PRCP: variants seen among roughly 807,000 people sequenced by gnomAD.
PRCP encodes prolylcarboxypeptidase, also known as lysosomal Pro-X carboxypeptidase.
In PRCP, 46 loss-of-function variants were observed where a neutral mutation model predicts 54.2. The observed-to-expected ratio is 0.85, with a 90% CI of 0.67 to 1.09. The LOEUF is 1.09. Ranked by LOEUF, PRCP falls within the 50% of genes least tolerant of loss-of-function variation. The pLI, the probability that PRCP is intolerant of heterozygous loss-of-function variation, is 0.00. For missense variants in PRCP, 613 were observed against 596.8 expected (o/e 1.03, Z -0.28); for synonymous variants, 240 against 212.2 (o/e 1.13, Z -1.14).
Position 82,839,334 on chromosome 11 carries a change from G to T in PRCP, c.1013C>A (p.Ser338Ter), listed in dbSNP as rs1044013383. ...FQALNVYYNY[S>*]GQVKCLNISE... ...AATATTCAGGCATTTCACCTGGCCC[G>T]AATAATTGTAATATACATTCAGAGC... is the stretch of plus-strand genomic sequence containing the variant. Residue 338 changes from serine to a stop codon, truncating the protein, a stop_gained, in exon 7 of 9, where the codon TCG becomes TAG. Coordinates refer to ENST00000313010, the MANE Select transcript of PRCP (RefSeq NM_005040.4). LOFTEE classifies it high-confidence loss of function. 11 of 1,613,930 alleles carry T rather than the reference G, an allele frequency of 6.8e-6. No homozygotes were observed. Among genetic ancestry groups the T allele is most frequent in the Non-Finnish European group, 8.5e-6 (10 of 1,179,916 alleles).
At chr11:82,840,567 T>C (rs1355758709) in intron 6 of PRCP, 1 of 152,180 alleles carries the variant, frequency 6.6e-6, no homozygotes, top group African/African-American at 2.4e-5. Flanking sequence ...ATTTAGATGT[T>C]AGGTTCATGA....
chr11:82,897,518 C>G (rs1860145529), intron 1 of PRCP, among the ~76,000 whole-genome samples: 1 of 152,036 alleles, frequency 6.6e-6, no homozygotes, highest in Non-Finnish European at 1.5e-5. Flanking sequence ...TTAAAGAAGT[C>G]AAAGATTCGC....
In PRCP at chr11:82,862,691, T is replaced by A. The variant is rs535258685; in HGVS notation, c.169-2574A>T. On this transcript the variant is annotated intron_variant, in intron 1 of 8. Coordinates refer to ENST00000313010, the MANE Select transcript of PRCP (RefSeq NM_005040.4). ...TATCTATGATCATCACCATATGTAG[T>A]CCTAAAATATGATATTCTAATCTAA... Among the ~76,000 whole-genome samples, 4 of 152,318 alleles carry A rather than the reference T, an allele frequency of 2.6e-5. No homozygotes were observed. In the South Asian group the frequency reaches 8.3e-4, roughly 32 times the overall value.
At chr11:82,859,332 T>A (rs917559051) in intron 2 of PRCP, among the ~76,000 whole-genome samples, 1 of 152,222 alleles carries the variant, frequency 6.6e-6, no homozygotes, top group Non-Finnish European at 1.5e-5. Context: ...AACTAAAATG[T>A]AACTACAACT....
chr11:82,872,310 T>C (rs1378057856), intron 1 of PRCP, among the ~76,000 whole-genome samples: 1 of 152,132 alleles, frequency 6.6e-6, no homozygotes, highest in African/African-American at 2.4e-5. Context: ...GTATACTGGG[T>C]TGCATAGCAT....
At chr11:82,865,584 T>G (rs936778545) in intron 1 of PRCP, among the ~76,000 whole-genome samples, 1 of 152,160 alleles carries the variant, frequency 6.6e-6, no homozygotes, top group African/African-American at 2.4e-5. Flanking sequence ...TTAACTAAAA[T>G]TTTACTAAAG....
At chr11:82,835,974 C>T (rs569691220) in intron 8 of PRCP, 10 of 285,554 alleles carry the variant, frequency 3.5e-5, no homozygotes, top group Non-Finnish European at 6.2e-5. Context: ...AGGTGGATCA[C>T]AAGGTCAGGA....
intron 8 of PRCP, chr11:82,827,100 T>C (rs1858254672): frequency 6.6e-6 from 1 of 152,194 alleles, no homozygotes; most frequent in Non-Finnish European, 1.5e-5. Flanking sequence ...TGTCCTAATA[T>C]TTGTTTAATG....
chr11:82,831,404 A>G (rs1858379180), intron 8 of PRCP: 1 of 152,242 alleles, frequency 6.6e-6, no homozygotes, highest in South Asian at 2.1e-4. Flanking sequence ...CACAGTCAAC[A>G]AAACAGACAA....
intron 3 of PRCP, among the ~76,000 whole-genome samples, chr11:82,852,705 A>G (rs1220229198): frequency 6.6e-6 from 1 of 151,566 alleles, no homozygotes; most frequent in African/African-American, 2.4e-5. Context: ...GAAAGGCTGA[A>G]AGGGAATCCA....
At chr11:82,836,684 G>A (rs1227253345) in intron 8 of PRCP, among the ~76,000 whole-genome samples, 1 of 152,096 alleles carries the variant, frequency 6.6e-6, no homozygotes, top group Admixed American at 6.5e-5. Context: ...GAGTAGCTGA[G>A]ACTGCAGGTA....
At chr11:82,893,902 A>T (rs1319875167) in intron 1 of PRCP, among the ~76,000 whole-genome samples, 1 of 152,282 alleles carries the variant, frequency 6.6e-6, no homozygotes, top group South Asian at 2.1e-4. Flanking sequence ...TTAAGTACTT[A>T]GGATAATATT....
chr11:82,853,420 C>A (rs765587619), intron 2 of PRCP, 142 bp from the exon 3 acceptor site: 17 of 546,750 alleles, frequency 3.1e-5, no homozygotes, highest in Non-Finnish European at 5.4e-5. Flanking sequence ...GTTTGTTCCA[C>A]AAATAAATGA....
intron 1 of PRCP, among the ~76,000 whole-genome samples, chr11:82,863,092 G>C (rs556983296): frequency 1.4e-4 from 22 of 152,158 alleles, no homozygotes; most frequent in Non-Finnish European, 2.8e-4. Flanking sequence ...CTGAGAACTT[G>C]CTGAAAATGC....
At chr11:82,883,279 A>C (rs1393195606) in intron 1 of PRCP, among the ~76,000 whole-genome samples, 1 of 152,230 alleles carries the variant, frequency 6.6e-6, no homozygotes, top group Non-Finnish European at 1.5e-5. Context: ...GAGGCAAAGC[A>C]GTTCCTAACA....
At chr11:82,889,194 T>TA (rs1859939220) in intron 1 of PRCP, among the ~76,000 whole-genome samples, 1 of 144,108 alleles carries the variant, frequency 6.9e-6, no homozygotes, top group Non-Finnish European at 1.6e-5. Context: ...ACCCCATTTC[T>TA]TTTTTTTAAA....
intron 1 of PRCP, among the ~76,000 whole-genome samples, chr11:82,899,737 T>C (rs1051747482): frequency 4.6e-5 from 7 of 152,016 alleles, no homozygotes; most frequent in African/African-American, 1.7e-4. Flanking sequence ...TTCTTAATAA[T>C]AGGGCTACAA....
intron 8 of PRCP, chr11:82,830,077 G>GT (rs1164521823): frequency 6.6e-6 from 1 of 152,108 alleles, no homozygotes; most frequent in African/African-American, 2.4e-5. Flanking sequence ...AGAAAAAAAT[G>GT]TTTTTTAAGA....
At chr11:82,849,426 C>A (rs564187274) in intron 5 of PRCP, among the ~76,000 whole-genome samples, 17 of 152,234 alleles carry the variant, frequency 1.1e-4, no homozygotes, top group African/African-American at 3.9e-4. Context: ...GAATTATTCT[C>A]CCTTTTTAAT....
Sources: gnomAD v4.1 joint callset for allele counts (sites outside exome capture counted in the v4.1 genomes callset) on GRCh38, gnomAD v4.1.1 for gene constraint, MANE v1.5 for transcripts, NCBI Gene and HGNC (gene_info 2026-07-23, HGNC 2026-07-21) for gene names.